Variants in TGFBR1 observed in about 807,000 individuals in gnomAD.
TGFBR1 encodes the protein TGF-beta receptor type-1.
Under a neutral mutation model 55.1 loss-of-function variants are expected in TGFBR1, and 20 were observed. The ratio of observed to expected loss-of-function variants is 0.36; its 90% CI spans 0.26 to 0.53. The LOEUF is 0.53. Ranked by LOEUF, TGFBR1 falls within the 20% of genes least tolerant of loss-of-function variation. The probability of loss-of-function intolerance (pLI) is 0.91; values close to 1 mark genes in which losing one functional copy is unlikely to be tolerated. For synonymous variants in TGFBR1, 220 were observed against 214.8 expected, an observed-to-expected ratio of 1.02 and a Z score of -0.21; for missense variants, 385 against 617.6, an observed-to-expected ratio of 0.62 and a Z score of 3.99.
At chr9:99,104,288 G>A (rs544758927), upstream of TGFBR1, among the ~76,000 whole-genome samples, 5 of 152,194 alleles carry the variant, frequency 3.3e-5, no homozygotes, top group African/African-American at 9.6e-5. Flanking sequence ...CCTCCTTTGA[G>A]GGGTTGGGGT....
At chr9:99,122,617 TACTA>T (rs2118474645) in intron 1 of TGFBR1, among the ~76,000 whole-genome samples, 2 of 152,264 alleles carry the variant, frequency 1.3e-5, no homozygotes, top group Non-Finnish European at 2.9e-5. Context: ...CTTCCTTTGG[TACTA>T]ACTGTCACCA....
At chr9:99,127,998 T>C (rs1411441500) in intron 1 of TGFBR1, 1 of 456,056 alleles carries the variant, frequency 2.2e-6, no homozygotes, top group South Asian at 1.5e-5. Flanking sequence ...AAACTAGCAA[T>C]TCTGGTAAGC....
At chr9:99,147,895 A>G (rs1265807561) in intron 8 of TGFBR1, 111 bp downstream of exon 8, 2 of 1,300,082 alleles carry the variant, frequency 1.5e-6, no homozygotes, top group African/African-American at 1.5e-5. Context: ...TTTCTTTTTC[A>G]TAGCAGTCAA....
rs955326225 is a variant in TGFBR1, at chr9:99,149,685, A to G, written c.*380A>G. The G allele has an allele frequency of 3.2e-5, 10 of 312,582 alleles. No homozygotes were observed. The highest frequency in any genetic ancestry group is 2.1e-4 in the African/African-American group (10 of 46,916). 19.4% of individuals were successfully genotyped at this position (312,582 alleles called of 1,614,324 possible). A position where few individuals can be genotyped will look rare whatever the true frequency, so the allele number is the denominator to read the frequency against. Reference sequence around the variant, plus strand: ...TTACAATGAAACATGTCTTATTACTAAAGAAAGTGATTTACTCCTGGTTAG... The same window carrying G: ...TTACAATGAAACATGTCTTATTACTGAAGAAAGTGATTTACTCCTGGTTAG... On this transcript the variant is annotated 3_prime_UTR_variant, in exon 9 of 9. Coordinates refer to ENST00000374994, the MANE Select transcript of TGFBR1 (RefSeq NM_004612.4).
chr9:99,105,682 T>C (rs1466503556), intron 1 of TGFBR1, among the ~76,000 whole-genome samples: 1 of 152,000 alleles, frequency 6.6e-6, no homozygotes, highest in East Asian at 1.9e-4. Flanking sequence ...GAGCCGTGGC[T>C]GCCCGCCGCC....
At chr9:99,134,837 T>A (rs1288747527) in intron 3 of TGFBR1, among the ~76,000 whole-genome samples, 3 of 118,200 alleles carry the variant, frequency 2.5e-5, no homozygotes, top group Admixed American at 8.3e-5. Flanking sequence ...TATATATATA[T>A]ATATATATAT....
At chr9:99,135,789 G>C (rs1173083177) in intron 3 of TGFBR1, among the ~76,000 whole-genome samples, 1 of 151,862 alleles carries the variant, frequency 6.6e-6, no homozygotes, top group Non-Finnish European at 1.5e-5. Context: ...CAGAAGAGTA[G>C]AGCAGAGAAT....
intron 1 of TGFBR1, among the ~76,000 whole-genome samples, chr9:99,124,296 C>G (rs529790419): frequency 1.1e-4 from 16 of 152,222 alleles, no homozygotes; most frequent in African/African-American, 3.9e-4. Flanking sequence ...AGTGCAAATA[C>G]CTTGTCTTAC....
chr9:99,129,217 C>T, intron 2 of TGFBR1, 117 bp downstream of exon 2: 2 of 1,138,834 alleles, frequency 1.8e-6, no homozygotes, highest in South Asian at 2.7e-5. Flanking sequence ...CGTTTAGAGG[C>T]AAGAAGTGAC....
upstream of TGFBR1, among the ~76,000 whole-genome samples, chr9:99,104,801 C>G (rs1180230044): frequency 6.6e-6 from 1 of 152,248 alleles, no homozygotes. Flanking sequence ...CATCGCTCTA[C>G]CCGGCCCTCC....
At chr9:99,104,434 G>T (rs1036228429), upstream of TGFBR1, among the ~76,000 whole-genome samples, 6 of 152,150 alleles carry the variant, frequency 3.9e-5, no homozygotes, top group East Asian at 9.6e-4. Context: ...TGGGTCTGAC[G>T]CTGGGATCTG....
chr9:99,144,758 T>G lies in TGFBR1; in HGVS notation c.1000T>G (p.Leu334Val). The change falls in exon 6 of 9, where the codon TTG (leucine) becomes GTG (valine). Residue 334 changes from leucine (L) to valine (V), a missense_variant. Physicochemically the swap from Leu to Val is conservative, Grantham distance 32. This residue lies in a region of TGFBR1 where 85 missense variants were observed against 228.4 expected (regional missense o/e 0.37). Transcript: ENST00000374994. The stretch of plus-strand genomic sequence containing the variant: ...AAAGCCAGCCATTGCTCATAGAGAT[T>G]TGAAATCAAAGAATATCTTGGTAAA... ...QGKPAIAHRD[L>V]KSKNILVKKN... The G allele has an allele frequency of 1.2e-6, 2 of 1,613,900 alleles. No homozygotes were observed. The highest frequency in any genetic ancestry group is 1.7e-6 in the Non-Finnish European group (2 of 1,179,888).
intron 1 of TGFBR1, among the ~76,000 whole-genome samples, chr9:99,115,690 G>C (rs969314447): frequency 2.0e-5 from 3 of 152,056 alleles, no homozygotes; most frequent in Non-Finnish European, 2.9e-5. Flanking sequence ...TCAGCACGTG[G>C]TTGTTGATTT....
rs533255984 is a variant in TGFBR1, at chr9:99,111,578, G to A, written c.97+6276G>A. ...CAGGAGGTGGAGTTTGCAGTGAGCC[G>A]AGATTGCGCCACTGCACTCCAGCCC... On this transcript the variant is annotated intron_variant, in intron 1 of 8. Coordinates refer to ENST00000374994, the MANE Select transcript of TGFBR1 (RefSeq NM_004612.4). Among the ~76,000 whole-genome samples the A allele has an allele frequency of 5.3e-5, 8 of 152,056 alleles. No homozygotes were observed. The South Asian group carries it at 1.2e-3, about 24-fold the overall frequency.
chr9:99,107,857 A>G (rs549888576), intron 1 of TGFBR1, among the ~76,000 whole-genome samples: 9 of 152,186 alleles, frequency 5.9e-5, no homozygotes, highest in African/African-American at 1.7e-4. Flanking sequence ...CTACACATTT[A>G]GTTTTGCCCC....
At position 99,151,742 on chromosome 9, in the gene TGFBR1, G is replaced by A. The variant is rs1224397848; in HGVS notation, c.*2437G>A. The A allele has an allele frequency of 4.5e-6, 1 of 220,288 alleles. No individual in the cohort carries two copies. The highest frequency in any genetic ancestry group is 6.7e-5 in the East Asian group (1 of 14,980). 13.6% of individuals were successfully genotyped at this position (220,288 alleles called of 1,614,324 possible). A position where few individuals can be genotyped will look rare whatever the true frequency, so the allele number is the denominator to read the frequency against. On this transcript the variant is annotated 3_prime_UTR_variant, in exon 9 of 9. Coordinates refer to ENST00000374994, the MANE Select transcript of TGFBR1 (RefSeq NM_004612.4). ...TATTACTGCAGTTAATTCCTTTTTTGGCTAGGGATGGTTTGATAAACCACA... is the reference window on the plus strand; with the variant it reads ...TATTACTGCAGTTAATTCCTTTTTTAGCTAGGGATGGTTTGATAAACCACA...
chr9:99,146,632 A>C (rs1222703626), intron 7 of TGFBR1, 23 bp downstream of exon 7: 1 of 1,613,762 alleles, frequency 6.2e-7, no homozygotes, highest in South Asian at 1.1e-5. Flanking sequence ...CCTCTCCCCC[A>C]GTAGTTTGTC....
chr9:99,121,750 G>T (rs111783708), intron 1 of TGFBR1, among the ~76,000 whole-genome samples: 2 of 152,112 alleles, frequency 1.3e-5, no homozygotes, highest in African/African-American at 4.8e-5. Flanking sequence ...CTCTCACTGC[G>T]AAGAAAAGTA....
upstream of TGFBR1, chr9:99,103,987 C>A (rs1363975163): frequency 6.6e-6 from 1 of 152,146 alleles, no homozygotes; most frequent in East Asian, 1.9e-4. Context: ...AAAGGTTCTG[C>A]GGAAAAATAT....
Sources: gnomAD v4.1 joint callset for allele counts (sites outside exome capture counted in the v4.1 genomes callset) on GRCh38, gnomAD v4.1.1 for gene constraint, gnomAD v4.1.1 regional missense constraint, MANE v1.5 for transcripts, NCBI Gene and HGNC (gene_info 2026-07-23, HGNC 2026-07-21) for gene names.